The following NCOA2 variants were observed in gnomAD, a reference collection of about 807,000 sequenced individuals.
NCOA2 encodes the protein nuclear receptor coactivator 2.
In NCOA2, 21 loss-of-function variants were observed where a neutral mutation model predicts 145.1. The ratio of observed to expected loss-of-function variants is 0.14; its 90% confidence interval spans 0.10 to 0.21. NCOA2 has a LOEUF of 0.21. Among genes scored for constraint, NCOA2 ranks in the 10% least tolerant of loss-of-function variants. The pLI is 1.00. For missense variants in NCOA2, 1,472 were observed against 1,837.6 expected (o/e 0.80, Z 3.64); for synonymous variants, 619 against 637.5 (o/e 0.97, Z 0.44).
the NCOA2 span, among the ~76,000 whole-genome samples, chr8:70,420,007 A>G: frequency 7.9e-5 from 12 of 152,196 alleles, no homozygotes; most frequent in African/African-American, 2.7e-4. Context: ...CGTATATGTC[A>G]CTTTATCATA....
At chr8:70,365,872 C>A (rs1051819091) in intron 1 of NCOA2, among the ~76,000 whole-genome samples, 13 of 152,190 alleles carry the variant, frequency 8.5e-5, no homozygotes, top group Admixed American at 3.9e-4. Flanking sequence ...AGAAGATTAT[C>A]ACCCAGCAAA....
In NCOA2 at chr8:70,141,356, T is replaced by C; in HGVS notation, c.2856A>G (p.Gly952=). The C allele has an allele frequency of 6.2e-7, 1 of 1,613,902 alleles. No homozygotes were observed. The highest frequency in any genetic ancestry group is 8.5e-7 in the Non-Finnish European group (1 of 1,179,868). Residue 952 remains glycine, a synonymous_variant, in exon 14 of 23, where the codon GGA becomes GGG. Transcript: ENST00000452400. ...NSASRPTMPS[G]EWAPQSSAVR... is the part of the protein sequence containing the mutation. ...CAGCCGAACTCTGCGGTGCCCATTC[T>C]CCAGATGGCATAGTAGGCCGAGAAG...
chr8:70,343,736 G>A (rs1265411108), intron 1 of NCOA2, among the ~76,000 whole-genome samples: 7 of 151,668 alleles, frequency 4.6e-5, no homozygotes, highest in African/African-American at 1.5e-4. Flanking sequence ...GCTTGAACCC[G>A]GGAGGCAGAG....
chr8:70,270,692 C>T (rs1284077348), intron 2 of NCOA2, among the ~76,000 whole-genome samples: 2 of 152,102 alleles, frequency 1.3e-5, no homozygotes, highest in Non-Finnish European at 2.9e-5. Context: ...TTTCTGCTAC[C>T]TTGGTTCCCT....
intron 4 of NCOA2, among the ~76,000 whole-genome samples, chr8:70,209,785 A>G (rs1219330721): frequency 6.6e-6 from 1 of 152,252 alleles, no homozygotes; most frequent in African/African-American, 2.4e-5. Context: ...AGTGAAGTAT[A>G]ACTTTTATAC....
intron 1 of NCOA2, among the ~76,000 whole-genome samples, chr8:70,319,160 G>A (rs115706343): frequency 2.0e-5 from 3 of 152,284 alleles, no homozygotes; most frequent in Admixed American, 2.0e-4. Flanking sequence ...AACAGGGAGA[G>A]AAACTATTGG....
At chr8:70,169,881 G>A (rs2132618729) in intron 6 of NCOA2, among the ~76,000 whole-genome samples, 1 of 120,242 alleles carries the variant, frequency 8.3e-6, no homozygotes, top group African/African-American at 3.1e-5. Flanking sequence ...GGTAATTACT[G>A]CCAAGCAAAA....
Position 70,110,870 on chromosome 8 carries a change from T to C in NCOA2, c.*2762A>G, listed in dbSNP as rs796854682. 7 of 221,636 alleles carry C rather than the reference T, an allele frequency of 3.2e-5. No individual in the cohort carries two copies. The highest frequency in any genetic ancestry group is 1.6e-4 in the African/African-American group (7 of 44,790). The allele number at this position is 221,636 out of a possible 1,614,324, so 13.7% of individuals were successfully genotyped here. A position where few individuals can be genotyped will look rare whatever the true frequency, so the allele number is the denominator to read the frequency against. On this transcript the variant is annotated 3_prime_UTR_variant, in exon 23 of 23. Transcript: ENST00000452400. ...AGTTTTACAACCAAGTTAATGTATG[T>C]ATACTTTTCACATTATGTTTTTCAC...
intron 1 of NCOA2, among the ~76,000 whole-genome samples, chr8:70,304,895 T>TA (rs1827772923): frequency 6.7e-6 from 1 of 150,050 alleles, no homozygotes. Context: ...CTTGCTCTAT[T>TA]GCTCAGGCTG....
chr8:70,293,772 T>C (rs1826882931), intron 2 of NCOA2, among the ~76,000 whole-genome samples: 1 of 152,228 alleles, frequency 6.6e-6, no homozygotes, highest in Non-Finnish European at 1.5e-5. Flanking sequence ...GTAAATTTTA[T>C]TGGCTAACTT....
At chr8:70,387,844 A>G (rs2131562032) in intron 1 of NCOA2, among the ~76,000 whole-genome samples, 1 of 152,292 alleles carries the variant, frequency 6.6e-6, no homozygotes, top group African/African-American at 2.4e-5. Flanking sequence ...GAGGAAGTCC[A>G]AGCAGGTACA....
rs551452335 is a variant in NCOA2, at chr8:70,278,918, G to A, written c.-20+17826C>T. Among the ~76,000 whole-genome samples, 6 of 150,742 alleles carry A rather than the reference G, an allele frequency of 4.0e-5. No individual in the cohort carries two copies. The East Asian group carries it at 7.8e-4, about 20-fold the overall frequency. On this transcript the variant is annotated intron_variant, in intron 2 of 22. Transcript: ENST00000452400. ...GAGGCAGACACTGCAGTGAACCGAC[G>A]TTGTGCCACTGCACTCCAGCCTGGG...
chr8:70,120,519 A>G (rs4738069), intron 22 of NCOA2, among the ~76,000 whole-genome samples: 10,404 of 151,732 alleles, frequency 0.069, 461 homozygotes, highest in East Asian at 0.16. Context: ...TCAGGAGTTC[A>G]AGACCAGCCT....
chr8:70,455,576 A>G, the NCOA2 span, among the ~76,000 whole-genome samples: 6 of 152,152 alleles, frequency 3.9e-5, no homozygotes, highest in Admixed American at 6.5e-5. Context: ...TTTAAGATTA[A>G]CAACCACTGA....
intron 5 of NCOA2, among the ~76,000 whole-genome samples, chr8:70,172,829 A>G (rs1269763862): frequency 6.6e-6 from 1 of 152,224 alleles, no homozygotes; most frequent in Non-Finnish European, 1.5e-5. Flanking sequence ...AAACTGAAAG[A>G]CGAAATTGTT....
chr8:70,317,728 G>A (rs1805717925), intron 1 of NCOA2, among the ~76,000 whole-genome samples: 1 of 152,078 alleles, frequency 6.6e-6, no homozygotes, highest in Non-Finnish European at 1.5e-5. Flanking sequence ...TCCTAATTCA[G>A]GCCAACCCAG....
At chr8:70,426,237 A>G in the NCOA2 span, among the ~76,000 whole-genome samples, 1 of 152,200 alleles carries the variant, frequency 6.6e-6, no homozygotes, top group African/African-American at 2.4e-5. Context: ...AGAGATACTG[A>G]ACATGTTTCA....
At chr8:70,309,657 A>C (rs1399608073) in intron 1 of NCOA2, among the ~76,000 whole-genome samples, 1 of 152,094 alleles carries the variant, frequency 6.6e-6, no homozygotes, top group Non-Finnish European at 1.5e-5. Flanking sequence ...CCCCACAAAA[A>C]TTGCTAGCCT....
chr8:70,329,654 AGTG>A (rs1806903590), intron 1 of NCOA2, among the ~76,000 whole-genome samples: 1 of 152,120 alleles, frequency 6.6e-6, no homozygotes, highest in Admixed American at 6.6e-5. Context: ...CAAAATAGAA[AGTG>A]ACCCAAATGT....
Sources: gnomAD v4.1 joint callset for allele counts (sites outside exome capture counted in the v4.1 genomes callset) on GRCh38, gnomAD v4.1.1 for gene constraint, MANE v1.5 for transcripts, NCBI Gene and HGNC (gene_info 2026-07-23, HGNC 2026-07-21) for gene names.